Variants in RBFOX1 observed in about 807,000 individuals in gnomAD.
RBFOX1 encodes RNA binding protein fox-1 homolog 1.
A neutral mutation model predicts 57.7 loss-of-function variants in RBFOX1; 8 were observed. The ratio of observed to expected loss-of-function variants is 0.14; its 90% confidence interval spans 0.08 to 0.25. The LOEUF (loss-of-function observed/expected upper bound fraction) is 0.25. Among genes scored for constraint, RBFOX1 ranks in the 10% least tolerant of loss-of-function variants. RBFOX1 has a pLI of 1.00. For synonymous variants in RBFOX1, 326 were observed against 222.4 expected, an observed-to-expected ratio of 1.47 and a Z score of -4.15; for missense variants, 611 against 548.5, an observed-to-expected ratio of 1.11 and a Z score of -1.14.
chr16:6,884,500 C>G (rs904871708), intron 3 of RBFOX1, among the ~76,000 whole-genome samples: 9 of 151,898 alleles, frequency 5.9e-5, no homozygotes, highest in Non-Finnish European at 1.2e-4. Context: ...CTACCATTTG[C>G]AAGGAACTGT....
In RBFOX1 at chr16:6,638,583, T is replaced by C. The variant is rs187338995; in HGVS notation, c.-63-16020T>C. Among the ~76,000 whole-genome samples the C allele has an allele frequency of 4.3e-3, 656 of 152,286 alleles. 4 individuals carry two copies. The highest frequency in any genetic ancestry group is 0.014 in the African/African-American group (595 of 41,552). ...AAAACCAAGAAAATGGCTATCGGTA[T>C]GTTCTTTGATGAATGAAGGTGTGTA... On this transcript the variant is annotated intron_variant, in intron 2 of 15. Transcript: ENST00000550418.
intron 3 of RBFOX1, among the ~76,000 whole-genome samples, chr16:5,715,846 A>G (rs1227739449): frequency 6.6e-6 from 1 of 152,182 alleles, no homozygotes; most frequent in Non-Finnish European, 1.5e-5. Context: ...AGGGGGTTTA[A>G]TTGCATTTAC....
chr16:7,543,039 T>C (rs1194284847), intron 5 of RBFOX1, among the ~76,000 whole-genome samples: 1 of 152,162 alleles, frequency 6.6e-6, no homozygotes, highest in Non-Finnish European at 1.5e-5. Flanking sequence ...TTCCAGGTTC[T>C]GAACAATCCT....
intron 3 of RBFOX1, among the ~76,000 whole-genome samples, chr16:7,028,842 A>G (rs2041799846): frequency 6.6e-6 from 1 of 150,858 alleles, no homozygotes; most frequent in African/African-American, 2.4e-5. Flanking sequence ...GCTTATGAGA[A>G]AAGGTGTGGG....
intron 14 of RBFOX1, among the ~76,000 whole-genome samples, chr16:7,690,723 CAT>C (rs1368803620): frequency 6.6e-6 from 1 of 152,076 alleles, no homozygotes; most frequent in African/African-American, 2.4e-5. Context: ...TCTCTTTGAT[CAT>C]ATGTGTCTCT....
At chr16:7,148,502 G>C (rs183091543) in intron 4 of RBFOX1, among the ~76,000 whole-genome samples, 29 of 152,292 alleles carry the variant, frequency 1.9e-4, no homozygotes, top group Admixed American at 1.8e-3. Context: ...CCGGCAGGAG[G>C]CTGTATACAT....
rs1246725350 is a variant in RBFOX1, at chr16:6,779,909, T to TTATATATTTA, written c.-16+125295_-16+125304dup. On this transcript the variant is annotated intron_variant, in intron 3 of 15. Coordinates refer to ENST00000550418, the MANE Select transcript of RBFOX1 (RefSeq NM_018723.4). ...TATATTTATATATATTTATATATAT[T>TTATATATTTA]TATATATTTATATATATTTATATAT... Among the ~76,000 whole-genome samples, 3 of 23,468 alleles carry TTATATATTTA rather than the reference T, an allele frequency of 1.3e-4. 1 individual carries two copies. Among genetic ancestry groups the TTATATATTTA allele is most frequent in the African/African-American group, 4.5e-4 (2 of 4,472 alleles). The allele number at this position is 23,468 out of a possible 152,430, so 15.4% of individuals were successfully genotyped here.
At chr16:7,577,035 C>G (rs1040144135) in intron 5 of RBFOX1, among the ~76,000 whole-genome samples, 2 of 152,214 alleles carry the variant, frequency 1.3e-5, no homozygotes, top group Admixed American at 1.3e-4. Flanking sequence ...GGAGAAAACG[C>G]AAATTCTGCT....
chr16:6,207,254 A>G (rs1015301542), intron 1 of RBFOX1, among the ~76,000 whole-genome samples: 3 of 152,162 alleles, frequency 2.0e-5, no homozygotes, highest in Admixed American at 1.3e-4. Context: ...TCAGTGAAGC[A>G]TTTTGCATAA....
At chr16:5,297,691 C>A (rs1272574545) in intron 1 of RBFOX1, among the ~76,000 whole-genome samples, 1 of 152,142 alleles carries the variant, frequency 6.6e-6, no homozygotes, top group South Asian at 2.1e-4. Flanking sequence ...ATCCCATAGG[C>A]TGTTTCTTCA....
chr16:6,451,671 T>C (rs1036936300), intron 2 of RBFOX1, among the ~76,000 whole-genome samples: 3 of 152,184 alleles, frequency 2.0e-5, no homozygotes, highest in Non-Finnish European at 4.4e-5. Flanking sequence ...TTAGAAGCCT[T>C]CCCTTACCAC....
Position 5,946,768 on chromosome 16 carries a change from G to C in RBFOX1, c.351+79433G>C, listed in dbSNP as rs148722172. Among the ~76,000 whole-genome samples the C allele has an allele frequency of 0.011, 1,731 of 152,278 alleles. 25 individuals are homozygous for C. The highest frequency in any genetic ancestry group is 0.013 in the Non-Finnish European group (916 of 68,026). On this transcript the variant is annotated intron_variant, in intron 4 of 19. Transcript: ENST00000641259. This position sits in a 1 kb window ranked among gnomAD's most constrained non-coding sequence, Gnocchi z 4.6. ...ACTGGGCCCTCAACCTGTGGAATCT[G>C]ATTCTAACTCCAGGTGGATCATGTC...
intron 4 of RBFOX1, among the ~76,000 whole-genome samples, chr16:5,880,241 CAGTT>C (rs996789691): frequency 2.0e-5 from 3 of 152,196 alleles, no homozygotes; most frequent in Non-Finnish European, 4.4e-5. Context: ...AATGGTCACA[CAGTT>C]AGTAAGGGGT....
chr16:6,672,755 T>C (rs2098774715), intron 3 of RBFOX1, among the ~76,000 whole-genome samples: 1 of 152,156 alleles, frequency 6.6e-6, no homozygotes, highest in Admixed American at 6.5e-5. Flanking sequence ...ATCAGCAGTG[T>C]TAGTCATACC....
intron 3 of RBFOX1, among the ~76,000 whole-genome samples, chr16:6,944,947 T>C (rs1257105987): frequency 6.6e-6 from 1 of 152,166 alleles, no homozygotes; most frequent in East Asian, 1.9e-4. Context: ...GTCTGAAAAG[T>C]GGCTGACTGC....
intron 4 of RBFOX1, among the ~76,000 whole-genome samples, chr16:7,350,847 G>T (rs1305335549): frequency 1.3e-5 from 2 of 152,198 alleles, no homozygotes; most frequent in Non-Finnish European, 2.9e-5. Flanking sequence ...GTGCCTGAAG[G>T]TCTGGTATTT....
intron 1 of RBFOX1, among the ~76,000 whole-genome samples, chr16:6,209,518 A>G (rs763684972): frequency 1.2e-4 from 19 of 152,256 alleles, no homozygotes; most frequent in Non-Finnish European, 1.6e-4. Context: ...AAGGCCAAGC[A>G]GGCAATTTGC....
intron 3 of RBFOX1, among the ~76,000 whole-genome samples, chr16:6,880,981 A>C (rs1161153145): frequency 2.0e-5 from 3 of 152,190 alleles, no homozygotes; most frequent in African/African-American, 7.2e-5. Flanking sequence ...AGATGAATAC[A>C]CAGTGAGAGC....
At chr16:5,650,296 A>G (rs551873638) in intron 3 of RBFOX1, among the ~76,000 whole-genome samples, 2 of 150,398 alleles carry the variant, frequency 1.3e-5, no homozygotes, top group East Asian at 3.9e-4. Context: ...TCTCAGCCAC[A>G]CTCCTCGTCC....
Sources: allele counts gnomAD v4.1 joint callset (sites outside exome capture counted in the v4.1 genomes callset), GRCh38; gene constraint gnomAD v4.1.1; non-coding constraint Gnocchi (gnomAD v3.1); transcripts MANE v1.5; gene names NCBI Gene and HGNC (gene_info 2026-07-23, HGNC 2026-07-21).